ZNF529: variants seen among roughly 807,000 people sequenced by gnomAD.
The protein encoded by ZNF529 is zinc finger protein 529.
Under a neutral mutation model 10.1 loss-of-function variants are expected in ZNF529, and 11 were observed. That is an observed-to-expected ratio of 1.09 (90% CI 0.69 to 1.81). The LOEUF (loss-of-function observed/expected upper bound fraction) is 1.81, where lower values mean the gene tolerates loss of function less well. Among genes scored for constraint, ZNF529 ranks in the 40% most tolerant of loss-of-function variants. ZNF529 has a pLI of 0.00. For missense variants in ZNF529, 624 were observed against 666.8 expected (o/e 0.94, Z 0.71); for synonymous variants, 204 against 215.7 (o/e 0.95, Z 0.47).
At chr19:36,553,240 A>G (rs1380978043) in intron 4 of ZNF529, among the ~76,000 whole-genome samples, 1 of 152,094 alleles carries the variant, frequency 6.6e-6, no homozygotes, top group Non-Finnish European at 1.5e-5. Flanking sequence ...GGTTCCAGCA[A>G]TTCTCCTGCC....
At chr19:36,560,186 G>A (rs892457457) in intron 2 of ZNF529, among the ~76,000 whole-genome samples, 1 of 149,696 alleles carries the variant, frequency 6.7e-6, no homozygotes, top group African/African-American at 2.5e-5. Flanking sequence ...GAACCCAGGA[G>A]GCAGAGGTTG....
chr19:36,570,179 G>A (rs920577786), intron 2 of ZNF529, among the ~76,000 whole-genome samples: 1 of 151,830 alleles, frequency 6.6e-6, no homozygotes, highest in African/African-American at 2.4e-5. Context: ...TGGGCAACAT[G>A]GCAAAACCCC....
intron 2 of ZNF529, among the ~76,000 whole-genome samples, chr19:36,583,291 A>G (rs566706056): frequency 6.9e-4 from 105 of 152,302 alleles, no homozygotes; most frequent in African/African-American, 2.5e-3. Flanking sequence ...TCCTGGGCTC[A>G]AGAAATCCTC....
upstream of ZNF529, chr19:36,578,059 A>ATTTTTTTTTTTT (rs755942233): frequency 2.2e-5 from 2 of 89,284 alleles, no homozygotes; most frequent in Non-Finnish European, 4.1e-5. Context: ...TGTGGGGGAG[A>ATTTTTTTTTTTT]TTTTTTTTTT....
chr19:36,573,510 G>T, upstream of ZNF529: 1 of 470,680 alleles, frequency 2.1e-6, no homozygotes, highest in Non-Finnish European at 4.4e-6. Flanking sequence ...GGCGGCTGGT[G>T]GTCCCTGACG....
At chr19:36,602,836 A>G (rs2036949456) in intron 1 of ZNF529, among the ~76,000 whole-genome samples, 1 of 151,290 alleles carries the variant, frequency 6.6e-6, no homozygotes, top group African/African-American at 2.4e-5. Flanking sequence ...AGGCTGAGGG[A>G]GGAGAATCGC....
intron 2 of ZNF529, among the ~76,000 whole-genome samples, chr19:36,586,699 C>T (rs1029389684): frequency 6.6e-6 from 1 of 151,954 alleles, no homozygotes; most frequent in East Asian, 1.9e-4. Context: ...GCATTACTCT[C>T]CTGTTCAGTA....
At chr19:36,572,928 A>C (rs563288775) in intron 1 of ZNF529, 24 of 153,914 alleles carry the variant, frequency 1.6e-4, no homozygotes, top group African/African-American at 3.4e-4. Flanking sequence ...AACAAACAAA[A>C]AAAAACAAAA....
intron 1 of ZNF529, among the ~76,000 whole-genome samples, chr19:36,603,904 G>T (rs1248377808): frequency 3.9e-5 from 6 of 152,150 alleles, no homozygotes; most frequent in Admixed American, 3.9e-4. Flanking sequence ...TTTTGGCTAG[G>T]CACGGTGGCT....
chr19:36,578,851 G>T (rs1172049786), intron 2 of ZNF529, among the ~76,000 whole-genome samples: 2 of 151,732 alleles, frequency 1.3e-5, no homozygotes, highest in African/African-American at 2.4e-5. Context: ...GCCAGCCTTG[G>T]CCTCCCAAAG....
At chr19:36,569,834 A>G (rs1347331981) in intron 2 of ZNF529, among the ~76,000 whole-genome samples, 1 of 152,164 alleles carries the variant, frequency 6.6e-6, no homozygotes, top group African/African-American at 2.4e-5. Context: ...GCACATTCCA[A>G]AGAAGAAATT....
At position 36,544,013 on chromosome 19, in the gene ZNF529, T is replaced by C. The variant is rs1398537563; in HGVS notation, c.*2853A>G. ...TCCTTCAAGGACATATAAAATTTAATGGTGCAGGACAGCAGAAAACAGGAT... is the reference window on the plus strand; with the variant it reads ...TCCTTCAAGGACATATAAAATTTAACGGTGCAGGACAGCAGAAAACAGGAT... On this transcript the variant is annotated 3_prime_UTR_variant, in exon 5 of 5. Transcript: ENST00000591340. 1 of 152,062 alleles carries C rather than the reference T, an allele frequency of 6.6e-6. No individual in the cohort carries two copies. The highest frequency in any genetic ancestry group is 2.4e-5 in the African/African-American group (1 of 41,414). The allele number at this position is 152,062 out of a possible 1,614,324, so 9.4% of individuals were successfully genotyped here.
upstream of ZNF529, among the ~76,000 whole-genome samples, chr19:36,574,062 G>A (rs1445419116): frequency 6.6e-6 from 1 of 152,232 alleles, no homozygotes; most frequent in African/African-American, 2.4e-5. Context: ...AGTATTTGAA[G>A]AGACTTATTC....
chr19:36,587,209 G>A (rs928169410), intron 2 of ZNF529, among the ~76,000 whole-genome samples: 4 of 151,140 alleles, frequency 2.6e-5, no homozygotes, highest in African/African-American at 9.7e-5. Context: ...AGGTTGTAGT[G>A]AGCCAAGATC....
rs369104424 is a variant in ZNF529 at position 36,554,766 on chromosome 19, T to C, written c.139A>G (p.Asn47Asp). The C allele has an allele frequency of 1.3e-6, 2 of 1,575,990 alleles. No individual in the cohort carries two copies. Among genetic ancestry groups the C allele is most frequent in the Non-Finnish European group, 1.7e-6 (2 of 1,159,940 alleles). ...ELVTLRDVVI[N>D]FSQEEWEYLD... is the part of the protein sequence containing the mutation. Reference sequence around the variant, plus strand: ...TATTCCCATTCCTCCTGAGAGAAGTTGATGACCACATCCCTGAGTGTCACC... The same window carrying C: ...TATTCCCATTCCTCCTGAGAGAAGTCGATGACCACATCCCTGAGTGTCACC... The change falls in exon 4 of 5, where the codon AAC (asparagine) becomes GAC (aspartate). Residue 47 changes from asparagine to aspartate, a missense_variant. Transcript: ENST00000591340.
chr19:36,588,227 G>GAATTGTATATGAATTATGGCTCAAT (rs1188049361), intron 2 of ZNF529, among the ~76,000 whole-genome samples: 3 of 152,210 alleles, frequency 2.0e-5, no homozygotes, highest in African/African-American at 2.4e-5. Context: ...TTAAATGGGT[G>GAATTGTATATGAATTATGGCTCAAT]AATTGTATAT....
upstream of ZNF529, among the ~76,000 whole-genome samples, chr19:36,578,279 TG>T (rs1409278288): frequency 8.0e-6 from 1 of 125,594 alleles, no homozygotes; most frequent in African/African-American, 3.1e-5. Context: ...TTGGACAGGA[TG>T]GTCTTGATCT....
Position 36,547,123 on chromosome 19 carries a change from C to T in ZNF529, c.1435G>A (p.Glu479Lys), listed in dbSNP as rs1265161457. The T allele has an allele frequency of 1.2e-6, 2 of 1,613,972 alleles. No homozygotes were observed. The highest frequency in any genetic ancestry group is 8.5e-7 in the Non-Finnish European group (1 of 1,179,966). Residue 479 changes from glutamate to lysine, a missense_variant, in exon 5 of 5, where the codon GAA becomes AAA. Coordinates refer to ENST00000591340, the MANE Select transcript of ZNF529 (RefSeq NM_020951.5). ...AAGGCCTTCCCACATACCTTACATT[C>T]ATAAGGTTTCTCACCACTATGAATT... ...QRIHSGEKPY[E>K]CKVCGKAFRH...
intron 1 of ZNF529, among the ~76,000 whole-genome samples, chr19:36,595,743 G>A (rs2967437): frequency 0.69 from 104,850 of 152,046 alleles, 36,557 homozygotes; most frequent in African/African-American, 0.78. Flanking sequence ...CTAAATTTCA[G>A]TAAGTGTCAG....
Sources: gnomAD v4.1 joint callset for allele counts (sites outside exome capture counted in the v4.1 genomes callset) on GRCh38, gnomAD v4.1.1 for gene constraint, MANE v1.5 for transcripts, NCBI Gene and HGNC (gene_info 2026-07-23, HGNC 2026-07-21) for gene names.